Variants in PLEK2 observed in about 807,000 individuals in gnomAD.
PLEK2 encodes pleckstrin 2.
A neutral mutation model predicts 43.8 loss-of-function variants in PLEK2; 29 were observed. That is an observed-to-expected ratio of 0.66 (90% CI 0.49 to 0.90). PLEK2 has a LOEUF of 0.90. Among genes scored for constraint, PLEK2 ranks in the 40% least tolerant of loss-of-function variants. PLEK2 has a pLI of 0.00. For missense variants in PLEK2, 398 were observed against 448.1 expected (o/e 0.89, Z 1.01); for synonymous variants, 162 against 173.2 (o/e 0.94, Z 0.51).
Position 67,390,649 on chromosome 14 carries a change from G to A in PLEK2, c.855+14C>T. The A allele has an allele frequency of 6.3e-7, 1 of 1,578,122 alleles. No individual in the cohort carries two copies. Among genetic ancestry groups the A allele is most frequent in the Non-Finnish European group, 8.7e-7 (1 of 1,147,132 alleles). On this transcript the variant is annotated intron_variant, in intron 7 of 8. Transcript: ENST00000216446. ...ACAACATGGGACCAACATGGAGCCA[G>A]CATGCGCACTCACTTTGGAAGGGTC...
chr14:67,389,010 C>T (rs1315059104), intron 7 of PLEK2, among the ~76,000 whole-genome samples: 2 of 151,722 alleles, frequency 1.3e-5, no homozygotes, highest in African/African-American at 2.4e-5. Flanking sequence ...TTGATAGATT[C>T]CTGCACATAG....
At position 67,397,887 on chromosome 14, in the gene PLEK2, G is replaced by A. The variant is rs994493639; in HGVS notation, c.43-61C>T. On this transcript the variant is annotated intron_variant, in intron 1 of 8. Transcript: ENST00000216446. Reference sequence around the variant, plus strand: ...TCAGTGGGAGGGTATGGTGTTCAGGGAGGGGGTGTCTGGTGGCACAAGTAA... The same window carrying A: ...TCAGTGGGAGGGTATGGTGTTCAGGAAGGGGGTGTCTGGTGGCACAAGTAA... 1.1e-4 allele frequency: 151 copies of A among 1,416,630 alleles called. No homozygotes were observed. The South Asian group carries it at 2.0e-3, about 19-fold the overall frequency. The allele number at this position is 1,416,630 out of a possible 1,614,324, so 87.8% of individuals were successfully genotyped here.
In PLEK2 at chr14:67,397,847, C is replaced by T. The variant is rs556826501; in HGVS notation, c.43-21G>A. 1.6e-5 allele frequency: 25 copies of T among 1,592,722 alleles called. No individual in the cohort carries two copies. The African/African-American group carries it at 3.3e-4, about 21-fold the overall frequency. Reference sequence around the variant, plus strand: ...TGGCCCTATGGACAGACAAGAAAGCCCTGAGGTGAGGCGGTCAGTGGGAGG... The same window carrying T: ...TGGCCCTATGGACAGACAAGAAAGCTCTGAGGTGAGGCGGTCAGTGGGAGG... On this transcript the variant is annotated intron_variant, in intron 1 of 8. Coordinates refer to ENST00000216446, the MANE Select transcript of PLEK2 (RefSeq NM_016445.3).
intron 1 of PLEK2, among the ~76,000 whole-genome samples, chr14:67,410,478 A>G (rs1489597587): frequency 1.3e-5 from 2 of 152,168 alleles, no homozygotes; most frequent in South Asian, 2.1e-4. Flanking sequence ...ACATGCTGCG[A>G]GAAACCGGCC....
intron 3 of PLEK2, among the ~76,000 whole-genome samples, chr14:67,395,009 T>C (rs2085996378): frequency 6.6e-6 from 1 of 152,148 alleles, no homozygotes; most frequent in African/African-American, 2.4e-5. Flanking sequence ...CCAGCCTCTA[T>C]AATGATAAGA....
In PLEK2 at chr14:67,390,652, T is replaced by G; in HGVS notation, c.855+11A>C. 6.3e-7 allele frequency: 1 copy of G among 1,588,158 alleles called. No individual in the cohort carries two copies. Among genetic ancestry groups the G allele is most frequent in the Non-Finnish European group, 8.6e-7 (1 of 1,156,322 alleles). On this transcript the variant is annotated intron_variant, in intron 7 of 8. Transcript: ENST00000216446. ...ACATGGGACCAACATGGAGCCAGCA[T>G]GCGCACTCACTTTGGAAGGGTCATA...
chr14:67,401,095 A>G (rs748436390), intron 1 of PLEK2, among the ~76,000 whole-genome samples: 9 of 152,146 alleles, frequency 5.9e-5, no homozygotes, highest in South Asian at 2.1e-4. Flanking sequence ...TGAGACTGGG[A>G]ATGTATTTGG....
chr14:67,403,444 T>C (rs1422085921), intron 1 of PLEK2, among the ~76,000 whole-genome samples: 4 of 152,228 alleles, frequency 2.6e-5, no homozygotes, highest in Non-Finnish European at 5.9e-5. Context: ...CCTAGTACTG[T>C]GGGTGTTTTT....
chr14:67,394,957 A>G (rs914384434), intron 3 of PLEK2, among the ~76,000 whole-genome samples: 1 of 152,192 alleles, frequency 6.6e-6, no homozygotes, highest in African/African-American at 2.4e-5. Flanking sequence ...TCCCACCAGC[A>G]AGAAGGCCCT....
intron 7 of PLEK2, among the ~76,000 whole-genome samples, chr14:67,388,886 C>A (rs914290917): frequency 1.3e-5 from 2 of 152,004 alleles, no homozygotes; most frequent in African/African-American, 4.8e-5. Context: ...ATCACCTTGG[C>A]CAGGCTGGTC....
At chr14:67,397,587 C>A (rs1448000470) in intron 2 of PLEK2, 75 bp downstream of exon 2, 3 of 1,297,558 alleles carry the variant, frequency 2.3e-6, no homozygotes, top group East Asian at 2.4e-5. Flanking sequence ...CCTACCCACA[C>A]CACTTTCCCA....
At chr14:67,402,574 G>T (rs898505418) in intron 1 of PLEK2, among the ~76,000 whole-genome samples, 1 of 152,034 alleles carries the variant, frequency 6.6e-6, no homozygotes, top group Non-Finnish European at 1.5e-5. Flanking sequence ...CTCCCCGGCA[G>T]CCCCTCACCC....
intron 7 of PLEK2, 66 bp downstream of exon 7, chr14:67,390,597 G>T: frequency 2.7e-6 from 3 of 1,126,452 alleles, no homozygotes; most frequent in Non-Finnish European, 4.1e-6. Flanking sequence ...TGCCCGCCAT[G>T]CCAGGAGAGG....
chr14:67,408,569 T>C (rs2086097117), intron 1 of PLEK2, among the ~76,000 whole-genome samples: 1 of 151,954 alleles, frequency 6.6e-6, no homozygotes, highest in East Asian at 1.9e-4. Context: ...AGAGGAAAAT[T>C]TGGACACTAA....
At chr14:67,409,265 G>C (rs1166115034) in intron 1 of PLEK2, among the ~76,000 whole-genome samples, 1 of 149,914 alleles carries the variant, frequency 6.7e-6, no homozygotes, top group Non-Finnish European at 1.5e-5. Flanking sequence ...AAGTAACAGG[G>C]GGGTGTGGTG....
In PLEK2 at chr14:67,397,700, T is replaced by C; in HGVS notation, c.169A>G (p.Thr57Ala). Residue 57 changes from threonine to alanine, a missense_variant, in exon 2 of 9, where the codon ACC (threonine) becomes GCC (alanine). Physicochemically the swap from Thr to Ala is moderately conservative, Grantham distance 58. Coordinates refer to ENST00000216446, the MANE Select transcript of PLEK2 (RefSeq NM_016445.3). ...TACTCCAGGCAGGGGCAGGTGATGG[T>C]GCAGCCATCCAGGAGGATCCGGCCC... Reference protein sequence around the residue: ...PKGRILLDGCTITCPCLEYEN... With the variant: ...PKGRILLDGCAITCPCLEYEN... 7.4e-6 allele frequency: 12 copies of C among 1,613,382 alleles called. No individual in the cohort carries two copies. The highest frequency in any genetic ancestry group is 1.0e-5 in the Non-Finnish European group (12 of 1,179,656).
Position 67,387,188 on chromosome 14 carries a change from G to A in PLEK2, c.*141C>T, listed in dbSNP as rs561890109. On this transcript the variant is annotated 3_prime_UTR_variant, in exon 9 of 9. Coordinates refer to ENST00000216446, the MANE Select transcript of PLEK2 (RefSeq NM_016445.3). ...ATGGCACCACTGCTGTTTGTAATCT[G>A]AGGAACTCTTGGCAGCATTCACTCT... 1.5e-5 allele frequency: 11 copies of A among 736,818 alleles called. No individual in the cohort carries two copies. The highest frequency in any genetic ancestry group is 9.5e-5 in the Admixed American group (3 of 31,706). The allele number at this position is 736,818 out of a possible 1,614,324, so 45.6% of individuals were successfully genotyped here. A position where few individuals can be genotyped will look rare whatever the true frequency, so the allele number is the denominator to read the frequency against.
intron 3 of PLEK2, 76 bp downstream of exon 3, chr14:67,395,326 C>T (rs541108111): frequency 2.2e-6 from 3 of 1,363,602 alleles, no homozygotes; most frequent in African/African-American, 1.4e-5. Flanking sequence ...CAGAGCCCCC[C>T]CAAGGGGCAG....
chr14:67,387,253 A>AAC lies in PLEK2; in HGVS notation c.*74_*75dup. ...AACTTACAAAGAAGTCAAAAGTCTT[A>AAC]ACACTCCCATTCTCCAGGAACTCTT... On this transcript the variant is annotated 3_prime_UTR_variant, in exon 9 of 9. Transcript: ENST00000216446. The AAC allele has an allele frequency of 7.0e-7, 1 of 1,438,080 alleles. No homozygotes were observed. The highest frequency in any genetic ancestry group is 9.5e-7 in the Non-Finnish European group (1 of 1,057,034). 89.1% of individuals were successfully genotyped at this position (1,438,080 alleles called of 1,614,324 possible).
Sources: allele counts gnomAD v4.1 joint callset (sites outside exome capture counted in the v4.1 genomes callset), GRCh38; gene constraint gnomAD v4.1.1; transcripts MANE v1.5; gene names NCBI Gene and HGNC (gene_info 2026-07-23, HGNC 2026-07-21).